The following EPS15 variants were observed in gnomAD, a reference collection of about 807,000 sequenced individuals.
The protein encoded by EPS15 is epidermal growth factor receptor substrate 15.
Under a neutral mutation model 113.8 loss-of-function variants are expected in EPS15, and 72 were observed. The ratio of observed to expected loss-of-function variants is 0.63; its 90% CI spans 0.52 to 0.77. EPS15 has a LOEUF of 0.77. EPS15 is among the 30% of genes least tolerant of loss of function. The pLI is 0.00. For missense variants in EPS15, 1,048 were observed against 1,045.8 expected (o/e 1.00, Z -0.03); for synonymous variants, 344 against 363.4 (o/e 0.95, Z 0.61).
chr1:51,391,433 G>A (rs960928178), intron 21 of EPS15, among the ~76,000 whole-genome samples: 3 of 150,840 alleles, frequency 2.0e-5, no homozygotes, highest in Admixed American at 6.6e-5. Context: ...CCTGCACATT[G>A]TGCACATGTA....
In EPS15 at chr1:51,471,765, T is replaced by G. The variant is rs772830845; in HGVS notation, c.166-28A>C. ...GAAATTTAGGGGGAAAAAATATCAA[T>G]GTATATTTTAAACAAAAGTCATCTG... On this transcript the variant is annotated intron_variant, in intron 3 of 24. Coordinates refer to ENST00000371733, the MANE Select transcript of EPS15 (RefSeq NM_001981.3). The G allele has an allele frequency of 1.9e-6, 3 of 1,548,666 alleles. No homozygotes were observed. The Admixed American group carries it at 5.1e-5, about 26-fold the overall frequency.
chr1:51,355,009 A>T lies in EPS15; in HGVS notation c.*1691T>A, dbSNP rs2148331661. The T allele has an allele frequency of 4.5e-6, 1 of 223,410 alleles. No homozygotes were observed. Among genetic ancestry groups the T allele is most frequent in the South Asian group, 1.8e-4 (1 of 5,436 alleles). 13.8% of individuals were successfully genotyped at this position (223,410 alleles called of 1,614,324 possible). ...TACCACCTATCACAACTCCCAGTCA[A>T]ATTTTGCAGAAAATCCTTAGGTCAC... On this transcript the variant is annotated 3_prime_UTR_variant, in exon 25 of 25. Transcript: ENST00000371733.
intron 1 of EPS15, among the ~76,000 whole-genome samples, chr1:51,508,957 T>C (rs908700788): frequency 1.3e-5 from 2 of 152,180 alleles, no homozygotes; most frequent in East Asian, 3.8e-4. Context: ...TATAAAACCA[T>C]TAAATAATTA....
intron 12 of EPS15, among the ~76,000 whole-genome samples, chr1:51,438,567 A>T (rs1282309140): frequency 6.6e-6 from 1 of 152,166 alleles, no homozygotes; most frequent in Non-Finnish European, 1.5e-5. Context: ...GTATGTATCC[A>T]TTTTCATAGG....
intron 20 of EPS15, among the ~76,000 whole-genome samples, chr1:51,395,505 T>TATACACAC (rs551290249): frequency 6.6e-6 from 1 of 150,760 alleles, no homozygotes; most frequent in Non-Finnish European, 1.5e-5. Context: ...AGAAAACACA[T>TATACACAC]ATACACACAT....
chr1:51,430,899 A>G (rs1651653091), intron 12 of EPS15, among the ~76,000 whole-genome samples: 1 of 149,780 alleles, frequency 6.7e-6, no homozygotes, highest in Non-Finnish European at 1.5e-5. Context: ...GTCAAGGCTA[A>G]AGTGACCCAT....
intron 1 of EPS15, among the ~76,000 whole-genome samples, chr1:51,509,195 T>G (rs1644576093): frequency 6.6e-6 from 1 of 151,346 alleles, no homozygotes; most frequent in Non-Finnish European, 1.5e-5. Flanking sequence ...AAATGTTTTC[T>G]GAAACAGAGG....
At chr1:51,451,508 A>G (rs952830611) in intron 8 of EPS15, among the ~76,000 whole-genome samples, 4 of 147,230 alleles carry the variant, frequency 2.7e-5, no homozygotes, top group African/African-American at 5.0e-5. Context: ...AAAAAAAAAA[A>G]GAAAGAAAGA....
intron 13 of EPS15, among the ~76,000 whole-genome samples, chr1:51,414,229 T>C (rs1250313405): frequency 6.6e-6 from 1 of 151,852 alleles, no homozygotes; most frequent in Non-Finnish European, 1.5e-5. Context: ...CTGGCCAACA[T>C]AGTAAAACCC....
chr1:51,422,407 C>CA (rs1650842700), intron 12 of EPS15, among the ~76,000 whole-genome samples: 1 of 152,148 alleles, frequency 6.6e-6, no homozygotes, highest in South Asian at 2.1e-4. Flanking sequence ...TTTGCTCTAT[C>CA]AAAAATTACA....
intron 1 of EPS15, among the ~76,000 whole-genome samples, chr1:51,485,727 A>C (rs930733672): frequency 6.6e-6 from 1 of 152,232 alleles, no homozygotes; most frequent in Non-Finnish European, 1.5e-5. Context: ...ATTAAATGAG[A>C]GTTCAAATAG....
At chr1:51,409,789 TC>T in intron 13 of EPS15, 93 bp from the exon 14 acceptor site, 4 of 819,828 alleles carry the variant, frequency 4.9e-6, no homozygotes, top group East Asian at 2.6e-5. Context: ...AAGAATAAAG[TC>T]TTACTGAGTA....
At chr1:51,409,007 C>T (rs1649426723) in intron 14 of EPS15, among the ~76,000 whole-genome samples, 1 of 152,198 alleles carries the variant, frequency 6.6e-6, no homozygotes, top group Non-Finnish European at 1.5e-5. Context: ...ACCGTGGTCT[C>T]GATCTCCTGA....
chr1:51,480,973 T>C (rs1220438636), intron 2 of EPS15, among the ~76,000 whole-genome samples: 1 of 152,218 alleles, frequency 6.6e-6, no homozygotes, highest in African/African-American at 2.4e-5. Flanking sequence ...AAAAACAACA[T>C]AGAAGTTATT....
chr1:51,406,990 GGGGTAA>G (rs895308922), intron 15 of EPS15, among the ~76,000 whole-genome samples: 7 of 151,998 alleles, frequency 4.6e-5, no homozygotes, highest in Non-Finnish European at 8.8e-5. Context: ...CAGATAACAG[GGGGTAA>G]GGAAGCGCAA....
chr1:51,448,166 A>G (rs1653222540), intron 8 of EPS15, 31 bp from the exon 9 acceptor site: 1 of 1,379,816 alleles, frequency 7.2e-7, no homozygotes, highest in Non-Finnish European at 1.0e-6. Flanking sequence ...GGTCATATAT[A>G]TTAAAAGCAC....
At chr1:51,382,364 T>C (rs944064779) in intron 21 of EPS15, 1 of 151,974 alleles carries the variant, frequency 6.6e-6, no homozygotes, top group East Asian at 1.9e-4. Flanking sequence ...AAGGTTAGCA[T>C]GGCCCCTGTG....
At chr1:51,431,022 ACACAC>A (rs1570289067) in intron 12 of EPS15, among the ~76,000 whole-genome samples, 40 of 126,490 alleles carry the variant, frequency 3.2e-4, no homozygotes, top group East Asian at 3.9e-4. Flanking sequence ...ACACACACAC[ACACAC>A]AAAAATAAAA....
chr1:51,417,315 CTT>C (rs1650325749), intron 13 of EPS15, among the ~76,000 whole-genome samples: 1 of 152,164 alleles, frequency 6.6e-6, no homozygotes, highest in Admixed American at 6.5e-5. Flanking sequence ...AGAAGTCTGA[CTT>C]TTCATGATAA....
Sources: allele counts gnomAD v4.1 joint callset (sites outside exome capture counted in the v4.1 genomes callset), GRCh38; gene constraint gnomAD v4.1.1; transcripts MANE v1.5; gene names NCBI Gene and HGNC (gene_info 2026-07-23, HGNC 2026-07-21).